Variants in APBB2 observed in about 807,000 individuals in gnomAD.
APBB2 encodes the protein amyloid beta precursor protein binding family B member 2.
Under a neutral mutation model 82.5 loss-of-function variants are expected in APBB2, and 38 were observed. The ratio of observed to expected loss-of-function variants is 0.46; its 90% confidence interval spans 0.36 to 0.60. The LOEUF is 0.60. Among genes scored for constraint, APBB2 ranks in the 20% least tolerant of loss-of-function variants. APBB2 has a pLI of 0.00. For missense variants in APBB2, 772 were observed against 972.3 expected (o/e 0.79, Z 2.74); for synonymous variants, 341 against 368.2 (o/e 0.93, Z 0.85).
intron 4 of APBB2, among the ~76,000 whole-genome samples, chr4:41,055,373 A>G (rs1727469053): frequency 6.6e-6 from 1 of 152,182 alleles, no homozygotes; most frequent in South Asian, 2.1e-4. Context: ...TAGAAGTGCT[A>G]TGGGAGCGGA....
intron 7 of APBB2, among the ~76,000 whole-genome samples, chr4:40,938,124 G>C (rs983309237): frequency 2.0e-5 from 3 of 152,212 alleles, no homozygotes; most frequent in Non-Finnish European, 2.9e-5. Flanking sequence ...TGAGCAACAA[G>C]CTTCCATGAG....
chr4:40,998,027 T>C (rs978048694), intron 6 of APBB2, among the ~76,000 whole-genome samples: 1 of 152,208 alleles, frequency 6.6e-6, no homozygotes, highest in Non-Finnish European at 1.5e-5. Context: ...GTTATTCAAA[T>C]TTGGGTATTG....
At chr4:41,120,655 C>T (rs1752533775) in intron 2 of APBB2, among the ~76,000 whole-genome samples, 1 of 152,170 alleles carries the variant, frequency 6.6e-6, no homozygotes, top group African/African-American at 2.4e-5. Flanking sequence ...TGCCACGATA[C>T]TTAATTTTTG....
intron 1 of APBB2, among the ~76,000 whole-genome samples, chr4:41,178,593 T>A (rs944322163): frequency 3.3e-5 from 5 of 152,226 alleles, no homozygotes; most frequent in Admixed American, 3.3e-4. Context: ...ATTTGTTGGA[T>A]GAATGAACCT....
rs6854435 is a variant in APBB2, at chr4:41,057,903, T to A, written c.-51+7673A>T. ...AGCAGAGGTGCTGTGCCTCCTGCCC[T>A]GAGGACAACACATTCTTCTCATCTT... On this transcript the variant is annotated intron_variant, in intron 4 of 17. Coordinates refer to ENST00000508593, the MANE Select transcript of APBB2 (RefSeq NM_004307.2). 3.8e-3 allele frequency among the ~76,000 whole-genome samples: 577 copies of A among 152,326 alleles called. 9 individuals carry two copies. Among genetic ancestry groups the A allele is most frequent in the African/African-American group, 0.013 (543 of 41,580 alleles).
At chr4:40,885,142 G>C (rs1769848009) in intron 12 of APBB2, among the ~76,000 whole-genome samples, 1 of 152,170 alleles carries the variant, frequency 6.6e-6, no homozygotes, top group African/African-American at 2.4e-5. Context: ...GACTGTTGAT[G>C]GTTGTGTGAG....
intron 10 of APBB2, among the ~76,000 whole-genome samples, chr4:40,927,043 C>T (rs1560298295): frequency 6.6e-6 from 1 of 152,198 alleles, no homozygotes; most frequent in Admixed American, 6.5e-5. Context: ...ATTTCATCTC[C>T]AGATGCCACA....
intron 6 of APBB2, among the ~76,000 whole-genome samples, chr4:40,988,968 C>T (rs1801221304): frequency 6.6e-6 from 1 of 152,032 alleles, no homozygotes; most frequent in African/African-American, 2.4e-5. Flanking sequence ...CCATGTTGGC[C>T]AGGCTGGTCT....
At chr4:40,945,200 A>G (rs1788054970) in intron 6 of APBB2, 127 bp from the exon 7 acceptor site, 1 of 700,008 alleles carries the variant, frequency 1.4e-6, no homozygotes, top group Admixed American at 2.2e-5. Flanking sequence ...TCTTCCTGGT[A>G]TGTTTGTGAA....
intron 12 of APBB2, among the ~76,000 whole-genome samples, chr4:40,840,869 G>C (rs973123907): frequency 5.9e-5 from 9 of 152,102 alleles, no homozygotes; most frequent in Admixed American, 1.3e-4. Context: ...CATAAACAAG[G>C]AGGATAGGAA....
At chr4:40,833,283 T>C (rs1330399909) in intron 12 of APBB2, among the ~76,000 whole-genome samples, 2 of 152,198 alleles carry the variant, frequency 1.3e-5, no homozygotes, top group Non-Finnish European at 2.9e-5. Context: ...GGGTGGATTT[T>C]AAGAGTTCCA....
chr4:41,008,738 T>C (rs1807493278), intron 6 of APBB2, among the ~76,000 whole-genome samples: 1 of 152,210 alleles, frequency 6.6e-6, no homozygotes, highest in African/African-American at 2.4e-5. Context: ...AGCAGGTCTA[T>C]GCCAAAACAC....
chr4:41,103,458 T>C (rs1324550840), intron 2 of APBB2, among the ~76,000 whole-genome samples: 1 of 152,160 alleles, frequency 6.6e-6, no homozygotes, highest in Non-Finnish European at 1.5e-5. Context: ...ATTTTTCTAT[T>C]ATAAGTAATA....
chr4:41,146,547 T>C (rs550889401), intron 1 of APBB2, among the ~76,000 whole-genome samples: 2 of 152,246 alleles, frequency 1.3e-5, no homozygotes, highest in South Asian at 4.1e-4. Flanking sequence ...AAAATAATCC[T>C]AATCCTTCAT....
intron 4 of APBB2, among the ~76,000 whole-genome samples, chr4:41,046,825 C>T (rs1723604615): frequency 6.6e-6 from 1 of 152,160 alleles, no homozygotes; most frequent in Non-Finnish European, 1.5e-5. Context: ...GCTCTATTCA[C>T]AGGGGTGGGA....
intron 12 of APBB2, among the ~76,000 whole-genome samples, chr4:40,843,324 C>A (rs1756497936): frequency 6.6e-6 from 1 of 152,180 alleles, no homozygotes; most frequent in Non-Finnish European, 1.5e-5. Flanking sequence ...CATGAAACGC[C>A]AAGTGCACCA....
intron 1 of APBB2, among the ~76,000 whole-genome samples, chr4:41,213,576 C>T (rs753469132): frequency 6.6e-6 from 1 of 152,244 alleles, no homozygotes; most frequent in South Asian, 2.1e-4. Context: ...GTAGTCTACA[C>T]CACTTCACCG....
At chr4:41,198,216 G>A in intron 1 of APBB2, among the ~76,000 whole-genome samples, 1 of 152,122 alleles carries the variant, frequency 6.6e-6, no homozygotes, top group Admixed American at 6.5e-5. Flanking sequence ...CCCAGCTCTT[G>A]CCCATAATGC....
intron 12 of APBB2, among the ~76,000 whole-genome samples, chr4:40,876,611 T>G (rs1158601142): frequency 5.3e-5 from 8 of 152,354 alleles, no homozygotes; most frequent in African/African-American, 1.9e-4. Flanking sequence ...GGGACAGTAT[T>G]TGCATATAAC....
Sources: allele counts gnomAD v4.1 joint callset (sites outside exome capture counted in the v4.1 genomes callset), GRCh38; gene constraint gnomAD v4.1.1; transcripts MANE v1.5; gene names NCBI Gene and HGNC (gene_info 2026-07-23, HGNC 2026-07-21).